SPATA17: variants seen among roughly 807,000 people sequenced by gnomAD.
SPATA17 encodes the protein spermatogenesis-associated protein 17.
In SPATA17, 53 loss-of-function variants were observed where a neutral mutation model predicts 62.2. The observed-to-expected ratio is 0.85, with a 90% CI of 0.68 to 1.07. The LOEUF is 1.07. Among genes scored for constraint, SPATA17 ranks in the 50% least tolerant of loss-of-function variants. The pLI, the probability that SPATA17 is intolerant of heterozygous loss-of-function variation, is 0.00. For missense variants in SPATA17, 466 were observed against 425.5 expected (o/e 1.10, Z -0.84); for synonymous variants, 146 against 146.8 (o/e 0.99, Z 0.04).
At chr1:217,673,311 A>G (rs1002577206) in intron 4 of SPATA17, among the ~76,000 whole-genome samples, 1 of 152,130 alleles carries the variant, frequency 6.6e-6, no homozygotes, top group Admixed American at 6.5e-5. Flanking sequence ...TGCCTTTACA[A>G]AACCCCTGTT....
At chr1:217,686,150 T>G (rs919502769) in intron 5 of SPATA17, among the ~76,000 whole-genome samples, 1 of 152,106 alleles carries the variant, frequency 6.6e-6, no homozygotes, top group Admixed American at 6.5e-5. Flanking sequence ...CAGATCCTAG[T>G]GTCAGATTTT....
chr1:217,722,471 A>C (rs1202365698), intron 5 of SPATA17, among the ~76,000 whole-genome samples: 1 of 152,128 alleles, frequency 6.6e-6, no homozygotes, highest in Non-Finnish European at 1.5e-5. Flanking sequence ...GAAAATTAAT[A>C]AAAATACAAA....
intron 4 of SPATA17, among the ~76,000 whole-genome samples, chr1:217,670,495 A>G (rs948444571): frequency 6.6e-6 from 1 of 152,238 alleles, no homozygotes; most frequent in African/African-American, 2.4e-5. Context: ...TCACGTCAGT[A>G]CAAGTCCCTT....
At chr1:217,781,914 A>G (rs765625462) in intron 7 of SPATA17, among the ~76,000 whole-genome samples, 6 of 152,296 alleles carry the variant, frequency 3.9e-5, no homozygotes, top group African/African-American at 1.2e-4. Context: ...CAGTTATAAC[A>G]TGAAGATCTT....
intron 10 of SPATA17, among the ~76,000 whole-genome samples, chr1:217,863,787 A>T (rs1462587768): frequency 6.6e-6 from 1 of 152,190 alleles, no homozygotes; most frequent in African/African-American, 2.4e-5. Context: ...TGACATTTTC[A>T]GCCAAATTTA....
intron 9 of SPATA17, among the ~76,000 whole-genome samples, chr1:217,848,539 T>C (rs1675577362): frequency 6.6e-6 from 1 of 152,182 alleles, no homozygotes; most frequent in Non-Finnish European, 1.5e-5. Flanking sequence ...ATTACTTACC[T>C]TCTTCTCCAT....
chr1:217,768,586 G>A (rs1673359665), intron 6 of SPATA17, among the ~76,000 whole-genome samples: 2 of 151,186 alleles, frequency 1.3e-5, no homozygotes, highest in Non-Finnish European at 2.9e-5. Context: ...CCACCTCCTG[G>A]GTTCAAGCAA....
At chr1:217,656,109 C>A (rs1399708366) in intron 3 of SPATA17, among the ~76,000 whole-genome samples, 1 of 151,990 alleles carries the variant, frequency 6.6e-6, no homozygotes, top group Non-Finnish European at 1.5e-5. Context: ...GTCTCGAACT[C>A]CTGACCTCAG....
chr1:217,746,908 G>A (rs6698407), intron 6 of SPATA17, among the ~76,000 whole-genome samples: 67,923 of 151,728 alleles, frequency 0.45, 16,987 homozygotes, highest in Non-Finnish European at 0.58. Flanking sequence ...TACCTTATTT[G>A]CATAAATAAT....
At chr1:217,729,649 T>C (rs1429862615) in intron 5 of SPATA17, among the ~76,000 whole-genome samples, 3 of 152,190 alleles carry the variant, frequency 2.0e-5, no homozygotes, top group Non-Finnish European at 4.4e-5. Context: ...TGGTAGAAAT[T>C]ATATAATAAC....
At chr1:217,850,973 G>A (rs1675652361) in intron 9 of SPATA17, among the ~76,000 whole-genome samples, 1 of 152,112 alleles carries the variant, frequency 6.6e-6, no homozygotes, top group Non-Finnish European at 1.5e-5. Context: ...TACGTCTGAA[G>A]AGAGAAGGAT....
At chr1:217,698,939 T>C (rs1462814926) in intron 5 of SPATA17, among the ~76,000 whole-genome samples, 1 of 152,200 alleles carries the variant, frequency 6.6e-6, no homozygotes, top group Non-Finnish European at 1.5e-5. Flanking sequence ...ATTTTGTCAT[T>C]TCAAGAATAT....
intron 9 of SPATA17, among the ~76,000 whole-genome samples, chr1:217,836,330 C>T (rs969486770): frequency 3.9e-5 from 6 of 152,002 alleles, no homozygotes; most frequent in African/African-American, 9.7e-5. Context: ...TTATGCTCAA[C>T]AAAATAACTT....
chr1:217,637,089 G>A (rs944950085), intron 1 of SPATA17, among the ~76,000 whole-genome samples: 3 of 152,122 alleles, frequency 2.0e-5, no homozygotes, highest in Non-Finnish European at 2.9e-5. Flanking sequence ...CTTACTATCT[G>A]AAAGGGGGCT....
At chr1:217,795,362 CTTTTTTTTTTT>C (rs71560537) in intron 8 of SPATA17, among the ~76,000 whole-genome samples, 1 of 69,548 alleles carries the variant, frequency 1.4e-5, no homozygotes, top group African/African-American at 5.6e-5. Context: ...ACAAAAGTCT[CTTTTTTTTTTT>C]TTTTTTTTTT....
chr1:217,723,813 G>A (rs975197969), intron 5 of SPATA17, among the ~76,000 whole-genome samples: 3 of 152,150 alleles, frequency 2.0e-5, no homozygotes, highest in Admixed American at 6.5e-5. Context: ...TGCAGATAAC[G>A]GGCTTTTCAA....
intron 9 of SPATA17, among the ~76,000 whole-genome samples, chr1:217,827,510 AACC>A (rs1675024545): frequency 6.6e-6 from 1 of 152,092 alleles, no homozygotes; most frequent in Admixed American, 6.6e-5. Context: ...TCCAGGATTT[AACC>A]CAGCAATCCC....
intron 5 of SPATA17, among the ~76,000 whole-genome samples, chr1:217,717,212 C>A (rs945777212): frequency 1.2e-5 from 1 of 85,760 alleles, no homozygotes; most frequent in Non-Finnish European, 2.5e-5. Context: ...TTTAGTGTTA[C>A]CATGTGACTT....
intron 9 of SPATA17, among the ~76,000 whole-genome samples, chr1:217,822,041 A>G (rs1332193970): frequency 2.0e-5 from 3 of 152,120 alleles, no homozygotes; most frequent in Non-Finnish European, 2.9e-5. Flanking sequence ...TCTACAATGC[A>G]TAGGGTAGCC....
Sources: gnomAD v4.1 joint callset for allele counts (sites outside exome capture counted in the v4.1 genomes callset) on GRCh38, gnomAD v4.1.1 for gene constraint, MANE v1.5 for transcripts, NCBI Gene and HGNC (gene_info 2026-07-23, HGNC 2026-07-21) for gene names.